DNAJC13: variants seen among roughly 807,000 people sequenced by gnomAD.
DNAJC13 encodes DnaJ heat shock protein family (Hsp40) member C13.
DNAJC13 carries 75 observed loss-of-function variants against 290.5 expected under a neutral mutation model. That is an observed-to-expected ratio of 0.26 (90% CI 0.21 to 0.31). DNAJC13 has a LOEUF of 0.31. Among genes scored for constraint, DNAJC13 ranks in the 10% least tolerant of loss-of-function variants. The pLI, the probability that DNAJC13 is intolerant of heterozygous loss-of-function variation, is 1.00. For missense variants in DNAJC13, 2,260 were observed against 2,674.5 expected (o/e 0.85, Z 3.42); for synonymous variants, 862 against 892.0 (o/e 0.97, Z 0.60).
intron 20 of DNAJC13, among the ~76,000 whole-genome samples, chr3:132,469,992 T>TTTTTTA (rs1934139736): frequency 1.0e-5 from 1 of 96,052 alleles, no homozygotes; most frequent in East Asian, 3.0e-4. Flanking sequence ...TTTTTTTTTT[T>TTTTTTA]AATTTATTTT....
At chr3:132,518,604 G>A (rs968498727) in intron 48 of DNAJC13, among the ~76,000 whole-genome samples, 2 of 152,106 alleles carry the variant, frequency 1.3e-5, no homozygotes, top group African/African-American at 4.8e-5. Context: ...TGATCCACCC[G>A]CCTTGGCCTC....
chr3:132,467,605 A>G (rs971350253), intron 20 of DNAJC13, among the ~76,000 whole-genome samples: 3 of 152,064 alleles, frequency 2.0e-5, no homozygotes, highest in Non-Finnish European at 4.4e-5. Flanking sequence ...AGCTGGGACT[A>G]CAGGCACCCG....
intron 1 of DNAJC13, among the ~76,000 whole-genome samples, chr3:132,432,642 C>G (rs1939272550): frequency 6.6e-6 from 1 of 152,218 alleles, no homozygotes; most frequent in African/African-American, 2.4e-5. Flanking sequence ...ATCAGTCTTT[C>G]ATTAGCAGCC....
chr3:132,428,688 G>A (rs1427457073), intron 1 of DNAJC13, among the ~76,000 whole-genome samples: 1 of 152,070 alleles, frequency 6.6e-6, no homozygotes, highest in Non-Finnish European at 1.5e-5. Flanking sequence ...TCATATATTG[G>A]TAACAAATTT....
rs774032884 is a variant in DNAJC13 at position 132,538,294 on chromosome 3, GA to G, written c.*13del. The G allele has an allele frequency of 1.2e-6, 2 of 1,609,436 alleles. No individual in the cohort carries two copies. Among genetic ancestry groups the G allele is most frequent in the East Asian group, 4.5e-5 (2 of 44,784 alleles). ...GCTATCAGACTTGAAATATTCACGA[GA>G]GACAATAAACGCTGAAAGGCCAGTG... On this transcript the variant is annotated 3_prime_UTR_variant, in exon 56 of 56. Transcript: ENST00000260818.
chr3:132,424,263 A>AT (rs1185522636), intron 1 of DNAJC13, among the ~76,000 whole-genome samples: 1 of 152,140 alleles, frequency 6.6e-6, no homozygotes, highest in Non-Finnish European at 1.5e-5. Context: ...GAAAATTTGA[A>AT]TTTTTTTAAC....
chr3:132,489,383 A>C (rs1324009116), intron 31 of DNAJC13, among the ~76,000 whole-genome samples: 2 of 152,022 alleles, frequency 1.3e-5, no homozygotes, highest in Admixed American at 6.6e-5. Flanking sequence ...GGAAGACTTC[A>C]GCCTTTTTGT....
chr3:132,520,934 C>T (rs1936070049), intron 48 of DNAJC13, among the ~76,000 whole-genome samples: 1 of 152,032 alleles, frequency 6.6e-6, no homozygotes, highest in African/African-American at 2.4e-5. Flanking sequence ...TTTCAAGCTG[C>T]AAAATATTTT....
intron 2 of DNAJC13, among the ~76,000 whole-genome samples, chr3:132,435,630 A>T (rs916509828): frequency 1.3e-5 from 2 of 151,932 alleles, no homozygotes; most frequent in Non-Finnish European, 2.9e-5. Flanking sequence ...CTTGTCTCTC[A>T]TTTTTTTTCC....
intron 46 of DNAJC13, among the ~76,000 whole-genome samples, chr3:132,515,025 G>C (rs1024503832): frequency 6.6e-6 from 1 of 152,136 alleles, no homozygotes; most frequent in Non-Finnish European, 1.5e-5. Flanking sequence ...AGATGGCCTT[G>C]TATTCAGCTT....
At chr3:132,484,790 C>T in intron 29 of DNAJC13, 118 bp downstream of exon 29, 1 of 930,858 alleles carries the variant, frequency 1.1e-6, no homozygotes, top group Non-Finnish European at 1.7e-6. Flanking sequence ...CTAAATAGGC[C>T]AGGTGTGGAG....
Position 132,436,689 on chromosome 3 carries a change from T to C in DNAJC13, c.68+2071T>C, listed in dbSNP as rs144852870. On this transcript the variant is annotated intron_variant, in intron 2 of 55. Coordinates refer to ENST00000260818, the MANE Select transcript of DNAJC13 (RefSeq NM_015268.4). Reference sequence around the variant, plus strand: ...TGCTCCATATCCTTATCAACACTTATTGTCTTTTTTATTTTAGCCATCCTA... The same window carrying C: ...TGCTCCATATCCTTATCAACACTTACTGTCTTTTTTATTTTAGCCATCCTA... Among the ~76,000 whole-genome samples the C allele has an allele frequency of 5.3e-4, 81 of 152,308 alleles. No individual in the cohort carries two copies. The Middle Eastern group carries it at 0.014, about 26-fold the overall frequency.
intron 46 of DNAJC13, 80 bp downstream of exon 46, chr3:132,514,750 C>A: frequency 1.0e-6 from 1 of 986,532 alleles, no homozygotes; most frequent in Non-Finnish European, 1.6e-6. Flanking sequence ...GATACAAAAC[C>A]TCAAACAAAT....
intron 10 of DNAJC13, 41 bp from the exon 11 acceptor site, chr3:132,456,460 G>T: frequency 6.2e-7 from 1 of 1,608,592 alleles, no homozygotes; most frequent in Middle Eastern, 1.7e-4. Flanking sequence ...TAAGAATTAG[G>T]AATTCGTATC....
intron 31 of DNAJC13, among the ~76,000 whole-genome samples, chr3:132,489,582 G>T (rs981924379): frequency 2.6e-5 from 4 of 151,750 alleles, no homozygotes; most frequent in African/African-American, 7.3e-5. Context: ...GAAACTGAAG[G>T]GTGTTTTGAA....
chr3:132,509,364 A>G (rs184151813), intron 43 of DNAJC13, among the ~76,000 whole-genome samples: 100 of 152,344 alleles, frequency 6.6e-4, no homozygotes, highest in African/African-American at 2.2e-3. Context: ...ATGTGACTCA[A>G]TTGCTGCAAT....
chr3:132,486,729 C>G (rs574609605), intron 29 of DNAJC13, among the ~76,000 whole-genome samples: 1 of 152,082 alleles, frequency 6.6e-6, no homozygotes, highest in Non-Finnish European at 1.5e-5. Context: ...TTATCTTCAT[C>G]GGTTGGAAAG....
At chr3:132,450,884 G>A (rs749495748) in intron 6 of DNAJC13, 37 bp downstream of exon 6, 1 of 1,246,294 alleles carries the variant, frequency 8.0e-7, no homozygotes, top group Admixed American at 2.4e-5. Flanking sequence ...CACTTTAAAA[G>A]GGTCATGACC....
chr3:132,469,558 C>G (rs759646884), intron 20 of DNAJC13, among the ~76,000 whole-genome samples: 9 of 152,190 alleles, frequency 5.9e-5, no homozygotes, highest in Non-Finnish European at 1.3e-4. Flanking sequence ...TTTTATTACT[C>G]TGGACTGCCA....
Sources: gnomAD v4.1 joint callset for allele counts (sites outside exome capture counted in the v4.1 genomes callset) on GRCh38, gnomAD v4.1.1 for gene constraint, MANE v1.5 for transcripts, NCBI Gene and HGNC (gene_info 2026-07-23, HGNC 2026-07-21) for gene names.